PTPRG: variants seen among roughly 807,000 people sequenced by gnomAD.
PTPRG encodes the protein receptor-type tyrosine-protein phosphatase gamma.
PTPRG carries 102 observed loss-of-function variants against 165.3 expected under a neutral mutation model. That is an observed-to-expected ratio of 0.62 (90% CI 0.53 to 0.73). The LOEUF is 0.73. Among genes scored for constraint, PTPRG ranks in the 30% least tolerant of loss-of-function variants. The probability of loss-of-function intolerance (pLI) is 0.00; values close to 1 mark genes in which losing one functional copy is unlikely to be tolerated. For missense variants in PTPRG, 1,866 were observed against 1,861.4 expected (o/e 1.00, Z -0.05); for synonymous variants, 675 against 669.5 (o/e 1.01, Z -0.13).
intron 4 of PTPRG, among the ~76,000 whole-genome samples, chr3:62,044,283 A>G (rs1700218813): frequency 6.6e-6 from 1 of 152,224 alleles, no homozygotes; most frequent in African/African-American, 2.4e-5. Context: ...TCACGCCTGT[A>G]ATCCCAGCAC....
intron 2 of PTPRG, among the ~76,000 whole-genome samples, chr3:61,946,810 A>G (rs1438955231): frequency 3.9e-5 from 6 of 152,252 alleles, no homozygotes; most frequent in Admixed American, 1.3e-4. Context: ...CTGAATTTGT[A>G]GAGCATGAGC....
intron 2 of PTPRG, among the ~76,000 whole-genome samples, chr3:61,953,737 T>C (rs2039956813): frequency 6.7e-6 from 1 of 148,754 alleles, no homozygotes. Context: ...TTTCAGCACG[T>C]CAGTCATACT....
At chr3:61,711,251 T>C (rs916459523) in intron 1 of PTPRG, among the ~76,000 whole-genome samples, 1 of 152,236 alleles carries the variant, frequency 6.6e-6, no homozygotes, top group African/African-American at 2.4e-5. Flanking sequence ...TGTGTCTTTA[T>C]AGTAGAATGA....
intron 1 of PTPRG, among the ~76,000 whole-genome samples, chr3:61,567,231 C>A (rs1393164152): frequency 6.6e-6 from 1 of 152,112 alleles, no homozygotes; most frequent in Non-Finnish European, 1.5e-5. Flanking sequence ...TCCACCTGAG[C>A]TTGATCTAGG....
At chr3:62,149,513 C>T (rs1704247845) in intron 6 of PTPRG, among the ~76,000 whole-genome samples, 1 of 152,162 alleles carries the variant, frequency 6.6e-6, no homozygotes, top group Admixed American at 6.5e-5. Context: ...GGTGACCCAC[C>T]CACCTTGGCC....
At chr3:62,266,956 A>T (rs1183751504) in intron 17 of PTPRG, among the ~76,000 whole-genome samples, 1 of 151,526 alleles carries the variant, frequency 6.6e-6, no homozygotes, top group Non-Finnish European at 1.5e-5. Flanking sequence ...GGTTTCCTCA[A>T]TTCCTTAGGT....
chr3:62,071,658 A>G (rs1010214925), intron 4 of PTPRG, among the ~76,000 whole-genome samples: 6 of 152,240 alleles, frequency 3.9e-5, no homozygotes, highest in Non-Finnish European at 7.3e-5. Flanking sequence ...GACAATAGGC[A>G]TTAAGCAATA....
At chr3:61,861,317 T>C (rs1043464189) in intron 2 of PTPRG, among the ~76,000 whole-genome samples, 1 of 151,948 alleles carries the variant, frequency 6.6e-6, no homozygotes, top group African/African-American at 2.4e-5. Flanking sequence ...AAAAAAAAAA[T>C]TGGCACAGTC....
intron 2 of PTPRG, among the ~76,000 whole-genome samples, chr3:61,886,258 C>G (rs7652922): frequency 6.6e-6 from 1 of 152,084 alleles, no homozygotes. Flanking sequence ...ATAACCATAA[C>G]CCTCCTCTTA....
chr3:62,153,483 T>C (rs1234253440), intron 6 of PTPRG, among the ~76,000 whole-genome samples: 1 of 152,188 alleles, frequency 6.6e-6, no homozygotes, highest in African/African-American at 2.4e-5. Flanking sequence ...AAGAAAGCTT[T>C]AACCTAGACT....
chr3:62,161,828 C>T (rs145247579), intron 7 of PTPRG, among the ~76,000 whole-genome samples: 40 of 152,288 alleles, frequency 2.6e-4, no homozygotes, highest in African/African-American at 9.4e-4. Flanking sequence ...ATTCCATTAT[C>T]ATTGTCTTGT....
chr3:61,646,166 C>G (rs969287845), intron 1 of PTPRG, among the ~76,000 whole-genome samples: 1 of 152,084 alleles, frequency 6.6e-6, no homozygotes, highest in Non-Finnish European at 1.5e-5. Flanking sequence ...AGTGCAGTGG[C>G]GCAGTCTTGG....
In PTPRG at chr3:62,218,696, G is replaced by C. The variant is rs550087131; in HGVS notation, c.2156-155G>C. 8.5e-5 allele frequency among the ~76,000 whole-genome samples: 13 copies of C among 152,332 alleles called. No individual in the cohort carries two copies. The South Asian group carries it at 2.5e-3, about 29-fold the overall frequency. On this transcript the variant is annotated intron_variant, in intron 12 of 29. Coordinates refer to ENST00000474889, the MANE Select transcript of PTPRG (RefSeq NM_002841.4). ...GGGTTGGGATGGGGCAGGAAATGGT[G>C]AGGGCTGCGGATTGCCCCTCCTGTC...
chr3:61,658,185 A>G (rs929107990), intron 1 of PTPRG, among the ~76,000 whole-genome samples: 7 of 152,202 alleles, frequency 4.6e-5, no homozygotes, highest in African/African-American at 1.7e-4. Context: ...CTTCAAGCTC[A>G]GGGGCTGCGA....
At chr3:61,647,620 C>T (rs566651412) in intron 1 of PTPRG, among the ~76,000 whole-genome samples, 1 of 151,954 alleles carries the variant, frequency 6.6e-6, no homozygotes, top group Non-Finnish European at 1.5e-5. Context: ...GAAACCCCGT[C>T]TCCACTAAAA....
chr3:62,016,527 T>C (rs370518252), intron 4 of PTPRG, among the ~76,000 whole-genome samples: 5 of 152,136 alleles, frequency 3.3e-5, no homozygotes, highest in African/African-American at 1.2e-4. Flanking sequence ...AGATCCCCAA[T>C]CCATCTATTT....
chr3:61,997,180 G>A (rs866454954), intron 3 of PTPRG, among the ~76,000 whole-genome samples: 30 of 152,162 alleles, frequency 2.0e-4, no homozygotes, highest in Non-Finnish European at 1.3e-4. Context: ...TACTCAGCAC[G>A]TCCAGTGACT....
intron 1 of PTPRG, 149 bp from the exon 2 acceptor site, chr3:61,748,726 GTTT>G (rs11328533): frequency 1.0e-4 from 52 of 506,820 alleles, no homozygotes; most frequent in South Asian, 2.0e-4. Context: ...CTTTCCTATA[GTTT>G]TTTTTTTTTT....
At chr3:61,834,145 C>A (rs531260866) in intron 2 of PTPRG, among the ~76,000 whole-genome samples, 1 of 152,294 alleles carries the variant, frequency 6.6e-6, no homozygotes, top group African/African-American at 2.4e-5. Context: ...ATGTTTGTTA[C>A]AGCATCTTTT....
Sources: gnomAD v4.1 joint callset for allele counts (sites outside exome capture counted in the v4.1 genomes callset) on GRCh38, gnomAD v4.1.1 for gene constraint, MANE v1.5 for transcripts, NCBI Gene and HGNC (gene_info 2026-07-23, HGNC 2026-07-21) for gene names.